The following TMEM117 variants were observed in gnomAD, a reference collection of about 807,000 sequenced individuals.
TMEM117 encodes transmembrane protein 117.
In TMEM117, 27 loss-of-function variants were observed where a neutral mutation model predicts 52.4. The ratio of observed to expected loss-of-function variants is 0.51; its 90% CI spans 0.38 to 0.71. The LOEUF (loss-of-function observed/expected upper bound fraction) is 0.71. Among genes scored for constraint, TMEM117 ranks in the 30% least tolerant of loss-of-function variants. The probability of loss-of-function intolerance (pLI) is 0.00; values close to 1 mark genes in which losing one functional copy is unlikely to be tolerated. For missense variants in TMEM117, 556 were observed against 630.5 expected (o/e 0.88, Z 1.26); for synonymous variants, 215 against 206.3 (o/e 1.04, Z -0.36).
chr12:44,195,595 G>A (rs2138353944), intron 4 of TMEM117, among the ~76,000 whole-genome samples: 2 of 152,048 alleles, frequency 1.3e-5, no homozygotes, highest in South Asian at 4.2e-4. Context: ...CATATACCAG[G>A]AAAATACAAC....
intron 3 of TMEM117, among the ~76,000 whole-genome samples, chr12:43,956,754 A>G (rs887361100): frequency 2.0e-5 from 3 of 152,214 alleles, no homozygotes; most frequent in African/African-American, 7.2e-5. Flanking sequence ...TGATTCCTCA[A>G]AGATTTAGAA....
chr12:43,956,643 A>C (rs1343674756), intron 3 of TMEM117, among the ~76,000 whole-genome samples: 2 of 152,212 alleles, frequency 1.3e-5, no homozygotes, highest in Admixed American at 6.5e-5. Flanking sequence ...GTTATTAAAA[A>C]GTCAGGAAAC....
chr12:44,258,041 C>A (rs1950279784), intron 5 of TMEM117, among the ~76,000 whole-genome samples: 1 of 151,998 alleles, frequency 6.6e-6, no homozygotes, highest in African/African-American at 2.4e-5. Context: ...GAAGACAGAA[C>A]ATAGTTTGAA....
chr12:44,369,581 C>T lies in TMEM117; in HGVS notation c.769-7014C>T, dbSNP rs1270430983. ...TATTAAACAATCCTATAAAATAGAT[C>T]CTTAGGATAATTAAATTGCTTGAGC... On this transcript the variant is annotated intron_variant, in intron 6 of 7. Coordinates refer to ENST00000266534, the MANE Select transcript of TMEM117 (RefSeq NM_032256.3). Among the ~76,000 whole-genome samples, 13 of 152,136 alleles carry T rather than the reference C, an allele frequency of 8.5e-5. No individual in the cohort carries two copies. The East Asian group carries it at 2.3e-3, about 27-fold the overall frequency.
Position 44,031,534 on chromosome 12 carries a change from A to G in TMEM117, c.410+87192A>G, listed in dbSNP as rs188736850. 2.3e-3 allele frequency among the ~76,000 whole-genome samples: 355 copies of G among 152,348 alleles called. 3 individuals carry two copies. Among genetic ancestry groups the G allele is most frequent in the African/African-American group, 8.1e-3 (337 of 41,586 alleles). On this transcript the variant is annotated intron_variant, in intron 3 of 7. Coordinates refer to ENST00000266534, the MANE Select transcript of TMEM117 (RefSeq NM_032256.3). ...TCATTGATAGCTGAAATGTTCATGA[A>G]TATCAAACAGGAGTTAAATACATAA... is the stretch of plus-strand genomic sequence containing the variant.
At chr12:44,317,115 A>G (rs187400502) in intron 6 of TMEM117, among the ~76,000 whole-genome samples, 169 of 140,970 alleles carry the variant, frequency 1.2e-3, no homozygotes, top group African/African-American at 4.1e-3. Context: ...TTAGTCAGGG[A>G]CCATTGCTGG....
intron 5 of TMEM117, among the ~76,000 whole-genome samples, chr12:44,220,447 AT>A (rs1949773413): frequency 6.6e-6 from 1 of 152,180 alleles, no homozygotes; most frequent in Non-Finnish European, 1.5e-5. Context: ...AGTTACAAGG[AT>A]AATTTTAGCT....
At chr12:44,135,037 CCACTCT>C (rs897226490) in intron 3 of TMEM117, among the ~76,000 whole-genome samples, 1 of 152,134 alleles carries the variant, frequency 6.6e-6, no homozygotes, top group African/African-American at 2.4e-5. Context: ...TCACTCTCTG[CCACTCT>C]CACTCTCTTT....
intron 3 of TMEM117, among the ~76,000 whole-genome samples, chr12:43,984,302 A>G (rs918760293): frequency 6.6e-6 from 1 of 152,004 alleles, no homozygotes; most frequent in Non-Finnish European, 1.5e-5. Context: ...CGGGATGTGG[A>G]GGTTTCAGTG....
At chr12:43,917,798 T>C (rs1024797407) in intron 2 of TMEM117, among the ~76,000 whole-genome samples, 2 of 152,148 alleles carry the variant, frequency 1.3e-5, no homozygotes, top group Non-Finnish European at 2.9e-5. Context: ...TATAAACTCA[T>C]AGAAGGTGGG....
At chr12:44,020,443 A>T (rs1430335907) in intron 3 of TMEM117, among the ~76,000 whole-genome samples, 1 of 152,200 alleles carries the variant, frequency 6.6e-6, no homozygotes, top group African/African-American at 2.4e-5. Context: ...GTTTGAGCCA[A>T]GATTCCTGAC....
chr12:43,844,134 A>G (rs1943159959), intron 1 of TMEM117, among the ~76,000 whole-genome samples: 1 of 152,224 alleles, frequency 6.6e-6, no homozygotes, highest in Non-Finnish European at 1.5e-5. Context: ...CCAGAAGCTC[A>G]AGACCAACAT....
chr12:44,166,168 A>G (rs1275591869), intron 4 of TMEM117, among the ~76,000 whole-genome samples: 1 of 152,202 alleles, frequency 6.6e-6, no homozygotes, highest in East Asian at 1.9e-4. Context: ...TAGTTCTTGA[A>G]ACAAATGAAA....
At chr12:43,841,477 T>C (rs1157847418) in intron 1 of TMEM117, among the ~76,000 whole-genome samples, 4 of 152,188 alleles carry the variant, frequency 2.6e-5, no homozygotes, top group African/African-American at 9.7e-5. Context: ...GGATTATTGC[T>C]CAATGCTATA....
intron 2 of TMEM117, among the ~76,000 whole-genome samples, chr12:43,942,528 G>C (rs1945060132): frequency 6.6e-6 from 1 of 152,036 alleles, no homozygotes; most frequent in South Asian, 2.1e-4. Flanking sequence ...TAGTTATACA[G>C]TCACATTCTC....
intron 2 of TMEM117, among the ~76,000 whole-genome samples, chr12:43,925,389 C>T (rs1332750291): frequency 6.6e-6 from 1 of 151,942 alleles, no homozygotes; most frequent in African/African-American, 2.4e-5. Context: ...TCTTTGTAAC[C>T]TCCAATTTCT....
chr12:44,024,723 A>G (rs1946505612), intron 3 of TMEM117, among the ~76,000 whole-genome samples: 1 of 152,126 alleles, frequency 6.6e-6, no homozygotes, highest in Non-Finnish European at 1.5e-5. Context: ...CAAACGTTTC[A>G]TATTAGATTT....
chr12:44,300,165 T>C (rs1247910760), intron 6 of TMEM117, among the ~76,000 whole-genome samples: 1 of 152,178 alleles, frequency 6.6e-6, no homozygotes, highest in Non-Finnish European at 1.5e-5. Flanking sequence ...TGAAATGAAG[T>C]GATGTAAAAA....
chr12:44,144,593 G>T (rs1948615879), intron 4 of TMEM117, among the ~76,000 whole-genome samples: 1 of 152,150 alleles, frequency 6.6e-6, no homozygotes, highest in Non-Finnish European at 1.5e-5. Context: ...ACCTGGAACA[G>T]GTGCTTTCCA....
Sources: gnomAD v4.1 joint callset for allele counts (sites outside exome capture counted in the v4.1 genomes callset) on GRCh38, gnomAD v4.1.1 for gene constraint, MANE v1.5 for transcripts, NCBI Gene and HGNC (gene_info 2026-07-23, HGNC 2026-07-21) for gene names.